STAP1: variants seen among roughly 807,000 people sequenced by gnomAD.
STAP1 encodes the protein signal-transducing adaptor protein 1.
In STAP1, 30 loss-of-function variants were observed where a neutral mutation model predicts 37.8. The observed-to-expected ratio is 0.79, with a 90% CI of 0.59 to 1.08. The LOEUF (loss-of-function observed/expected upper bound fraction) is 1.08, where lower values mean the gene tolerates loss of function less well. STAP1 is among the 50% of genes least tolerant of loss of function. STAP1 has a pLI of 0.00. For synonymous variants in STAP1, 130 were observed against 116.0 expected (o/e 1.12, Z -0.78); for missense variants, 357 against 349.4 (o/e 1.02, Z -0.17).
intron 1 of STAP1, among the ~76,000 whole-genome samples, chr4:67,565,263 G>A (rs564837864): frequency 1.8e-4 from 27 of 152,196 alleles, no homozygotes; most frequent in African/African-American, 5.3e-4. Flanking sequence ...CTATCTGATC[G>A]CAGTGCTAGT....
At chr4:67,591,809 A>C (rs1728124344) in intron 7 of STAP1, among the ~76,000 whole-genome samples, 1 of 152,238 alleles carries the variant, frequency 6.6e-6, no homozygotes, top group South Asian at 2.1e-4. Flanking sequence ...CATAGAGCAC[A>C]CTTACATCTT....
intron 4 of STAP1, among the ~76,000 whole-genome samples, chr4:67,580,862 A>G (rs1378067827): frequency 6.6e-6 from 1 of 152,190 alleles, no homozygotes; most frequent in Non-Finnish European, 1.5e-5. Flanking sequence ...TCACCTAATG[A>G]ACAGTTCCAT....
At chr4:67,596,294 G>A in intron 8 of STAP1, among the ~76,000 whole-genome samples, 1 of 152,158 alleles carries the variant, frequency 6.6e-6, no homozygotes, top group Admixed American at 6.5e-5. Context: ...CTTCTGTCAT[G>A]ATTGTAAGTT....
chr4:67,573,527 GA>G (rs1727650450), intron 2 of STAP1, among the ~76,000 whole-genome samples: 1 of 152,144 alleles, frequency 6.6e-6, no homozygotes, highest in African/African-American at 2.4e-5. Flanking sequence ...CACTGAGCTT[GA>G]TCTAGACAAT....
At chr4:67,562,355 A>AT (rs1484041256) in intron 1 of STAP1, among the ~76,000 whole-genome samples, 4 of 151,936 alleles carry the variant, frequency 2.6e-5, no homozygotes, top group African/African-American at 9.7e-5. Flanking sequence ...AAAAAAGGAA[A>AT]TTTTTTAGGG....
intron 6 of STAP1, among the ~76,000 whole-genome samples, chr4:67,589,101 G>A (rs1302112518): frequency 2.0e-5 from 3 of 152,154 alleles, no homozygotes; most frequent in African/African-American, 7.2e-5. Flanking sequence ...CCAACGAACA[G>A]CAATCCCTTA....
rs1227495073 is a variant in STAP1 at position 67,558,887 on chromosome 4, G to C, written c.78G>C (p.Leu26Phe). Reference protein sequence around the residue: ...QERLKITALPLYFEGFLLIKR... With the variant: ...QERLKITALPFYFEGFLLIKR... ...GGTTAAAGATTACTGCTCTACCTTTGTACTTTGAAGGTTTTTTATTAATCA... is the reference window on the plus strand; with the variant it reads ...GGTTAAAGATTACTGCTCTACCTTTCTACTTTGAAGGTTTTTTATTAATCA... The change falls in exon 1 of 9, where the codon TTG becomes TTC. Residue 26 changes from leucine to phenylalanine, a missense_variant. Transcript: ENST00000265404. 2 of 1,613,502 alleles carry C rather than the reference G, an allele frequency of 1.2e-6. No individual in the cohort carries two copies. Among genetic ancestry groups the C allele is most frequent in the Admixed American group, 1.7e-5 (1 of 59,990 alleles).
chr4:67,603,179 C>G (rs1044184047), intron 8 of STAP1, among the ~76,000 whole-genome samples: 1 of 152,062 alleles, frequency 6.6e-6, no homozygotes, highest in Non-Finnish European at 1.5e-5. Flanking sequence ...GTGGCAAGTA[C>G]TGCCCGGCTA....
intron 2 of STAP1, among the ~76,000 whole-genome samples, chr4:67,572,544 G>A (rs997193505): frequency 6.6e-5 from 10 of 152,198 alleles, no homozygotes; most frequent in Admixed American, 2.0e-4. Flanking sequence ...GCCCCTTGAT[G>A]TTGTCCATAC....
chr4:67,570,054 T>C (rs1322356705), intron 1 of STAP1, among the ~76,000 whole-genome samples: 1 of 152,108 alleles, frequency 6.6e-6, no homozygotes, highest in Non-Finnish European at 1.5e-5. Flanking sequence ...TTAGGGGTAA[T>C]AACATGCATG....
chr4:67,562,389 A>C (rs1219973828), intron 1 of STAP1, among the ~76,000 whole-genome samples: 1 of 152,066 alleles, frequency 6.6e-6, no homozygotes, highest in Non-Finnish European at 1.5e-5. Flanking sequence ...GCTCACACAC[A>C]GTTCTCTATG....
chr4:67,563,593 C>T (rs1215779128), intron 1 of STAP1, among the ~76,000 whole-genome samples: 1 of 152,120 alleles, frequency 6.6e-6, no homozygotes, highest in African/African-American at 2.4e-5. Flanking sequence ...TTCTCAGGTA[C>T]TCGGGAGGCT....
At chr4:67,606,222 T>G (rs897702705) in intron 8 of STAP1, 74 bp from the exon 9 acceptor site, 2 of 1,246,476 alleles carry the variant, frequency 1.6e-6, no homozygotes, top group Non-Finnish European at 2.3e-6. Flanking sequence ...GAAAATCAAC[T>G]CACTGAAAAT....
chr4:67,583,383 G>A (rs1426493138), intron 5 of STAP1, among the ~76,000 whole-genome samples, 191 bp from the exon 6 acceptor site: 1 of 152,140 alleles, frequency 6.6e-6, no homozygotes, highest in Non-Finnish European at 1.5e-5. Context: ...AGACCTTAAC[G>A]TTAGCATACA....
At chr4:67,592,762 C>A (rs1309336678) in intron 7 of STAP1, among the ~76,000 whole-genome samples, 1 of 152,168 alleles carries the variant, frequency 6.6e-6, no homozygotes, top group East Asian at 1.9e-4. Context: ...ACAACTCATG[C>A]AGCCTCGAAC....
intron 6 of STAP1, among the ~76,000 whole-genome samples, chr4:67,589,611 G>A (rs1182359590): frequency 1.3e-5 from 2 of 152,160 alleles, no homozygotes; most frequent in Non-Finnish European, 1.5e-5. Flanking sequence ...TGTCATTCAA[G>A]CAAATGACAA....
chr4:67,586,859 T>G (rs1560463620), intron 6 of STAP1, among the ~76,000 whole-genome samples: 2 of 152,224 alleles, frequency 1.3e-5, no homozygotes, highest in Non-Finnish European at 2.9e-5. Flanking sequence ...AAAGTTCATA[T>G]TTGGAAAGCA....
rs112976206 is a variant in STAP1, at chr4:67,581,568, A to G, written c.530+97A>G. 53 of 1,350,398 alleles carry G rather than the reference A, an allele frequency of 3.9e-5. 1 individual carries two copies. The African/African-American group carries it at 4.8e-4, about 12-fold the overall frequency. The allele number at this position is 1,350,398 out of a possible 1,614,324, so 83.7% of individuals were successfully genotyped here. ...GTCACTTGCTCTTGTTAAGCCAGGG[A>G]CAATAAGCAGTCTTGGGGATAAACT... is the stretch of plus-strand genomic sequence containing the variant. On this transcript the variant is annotated intron_variant, in intron 5 of 8. Coordinates refer to ENST00000265404, the MANE Select transcript of STAP1 (RefSeq NM_012108.4).
At chr4:67,603,690 A>G (rs182312076) in intron 8 of STAP1, among the ~76,000 whole-genome samples, 1 of 152,212 alleles carries the variant, frequency 6.6e-6, no homozygotes, top group African/African-American at 2.4e-5. Flanking sequence ...AGGGCCTGAA[A>G]TGGAGGCCTC....
Sources: allele counts gnomAD v4.1 joint callset (sites outside exome capture counted in the v4.1 genomes callset), GRCh38; gene constraint gnomAD v4.1.1; transcripts MANE v1.5; gene names NCBI Gene and HGNC (gene_info 2026-07-23, HGNC 2026-07-21).